CPEB1: variants seen among roughly 807,000 people sequenced by gnomAD.
The protein encoded by CPEB1 is cytoplasmic polyadenylation element binding protein 1.
CPEB1 carries 7 observed loss-of-function variants against 65.8 expected under a neutral mutation model. That is an observed-to-expected ratio of 0.11 (90% confidence interval 0.06 to 0.20). The LOEUF is 0.20. Among genes scored for constraint, CPEB1 ranks in the 10% least tolerant of loss-of-function variants. CPEB1 has a pLI of 1.00. For missense variants in CPEB1, 551 were observed against 712.2 expected (o/e 0.77, Z 2.58); for synonymous variants, 262 against 260.0 (o/e 1.01, Z -0.08).
At chr15:82,577,920 C>CACG in intron 3 of CPEB1, among the ~76,000 whole-genome samples, 1 of 152,176 alleles carries the variant, frequency 6.6e-6, no homozygotes, top group East Asian at 2.0e-4. Context: ...GCAGGTGGAT[C>CACG]ACGAGGTCAG....
chr15:82,611,817 A>G (rs2044179578), intron 3 of CPEB1, among the ~76,000 whole-genome samples: 1 of 152,122 alleles, frequency 6.6e-6, no homozygotes, highest in African/African-American at 2.4e-5. Context: ...TAGGAAAAAA[A>G]ATAAATGACA....
intron 5 of CPEB1, among the ~76,000 whole-genome samples, chr15:82,556,719 T>C (rs758816066): frequency 3.3e-5 from 5 of 152,170 alleles, no homozygotes; most frequent in Non-Finnish European, 7.4e-5. Flanking sequence ...ATCTAAGTAA[T>C]ATAGACAGAA....
upstream of CPEB1, chr15:82,648,029 C>T (rs1230330693): frequency 6.2e-6 from 3 of 487,048 alleles, no homozygotes; most frequent in African/African-American, 4.0e-5. Flanking sequence ...AGCCGCCCCC[C>T]GGCCGGATGC....
chr15:82,622,149 G>A (rs1409301350), intron 3 of CPEB1, among the ~76,000 whole-genome samples: 1 of 152,084 alleles, frequency 6.6e-6, no homozygotes, highest in Non-Finnish European at 1.5e-5. Flanking sequence ...TAAAGGACTA[G>A]GGAATGTGGA....
At chr15:82,597,339 T>C (rs1303326871) in intron 3 of CPEB1, among the ~76,000 whole-genome samples, 1 of 152,162 alleles carries the variant, frequency 6.6e-6, no homozygotes, top group African/African-American at 2.4e-5. Flanking sequence ...GGAGTATATT[T>C]ATTAATTAGG....
At chr15:82,608,218 A>C (rs1051854005) in intron 3 of CPEB1, among the ~76,000 whole-genome samples, 4 of 152,156 alleles carry the variant, frequency 2.6e-5, no homozygotes, top group Non-Finnish European at 5.9e-5. Context: ...TTGAGTTCCT[A>C]AACTGTTGCC....
At chr15:82,646,312 C>T (rs2047515183) in intron 1 of CPEB1, among the ~76,000 whole-genome samples, 1 of 152,162 alleles carries the variant, frequency 6.6e-6, no homozygotes. Context: ...CCCACTTGCC[C>T]CTCTTCCCCA....
chr15:82,646,710 T>C (rs966856428), intron 1 of CPEB1, among the ~76,000 whole-genome samples: 17 of 152,200 alleles, frequency 1.1e-4, no homozygotes, highest in African/African-American at 3.6e-4. Context: ...CTGGTCTCCC[T>C]GGGTCCTCTA....
intron 4 of CPEB1, among the ~76,000 whole-genome samples, chr15:82,566,242 C>G (rs1029453153): frequency 6.6e-6 from 1 of 152,100 alleles, no homozygotes. Flanking sequence ...GAGAGACTAG[C>G]CCCAAGACAT....
intron 2 of CPEB1, among the ~76,000 whole-genome samples, chr15:82,627,845 G>A (rs1238202211): frequency 6.6e-6 from 1 of 152,114 alleles, no homozygotes; most frequent in Non-Finnish European, 1.5e-5. Context: ...TACCTTGCCA[G>A]TAAAGGACTT....
intron 3 of CPEB1, 23 bp downstream of exon 3, chr15:82,627,170 T>G: frequency 6.2e-7 from 1 of 1,601,490 alleles, no homozygotes; most frequent in Middle Eastern, 1.7e-4. Flanking sequence ...CCTACCACGT[T>G]CAAGTTTTCA....
In CPEB1 at chr15:82,547,247, C is replaced by A. The variant is rs1339458674; in HGVS notation, c.1481-10G>T. ...GTCACACGACCAGAACCTAGGACAA[C>A]AGACACAAGCTTCCCTTCTAACCAA... On this transcript the variant is annotated splice_polypyrimidine_tract_variant and intron_variant, in intron 10 of 12. Transcript: ENST00000684509. The A allele has an allele frequency of 2.1e-6, 3 of 1,427,800 alleles. No homozygotes were observed. Among genetic ancestry groups the A allele is most frequent in the Non-Finnish European group, 2.9e-6 (3 of 1,018,728 alleles). The allele number at this position is 1,427,800 out of a possible 1,614,324, so 88.4% of individuals were successfully genotyped here. A position where few individuals can be genotyped will look rare whatever the true frequency, so the allele number is the denominator to read the frequency against.
intron 3 of CPEB1, among the ~76,000 whole-genome samples, chr15:82,620,269 A>T (rs531292626): frequency 6.6e-6 from 1 of 152,106 alleles, no homozygotes; most frequent in Non-Finnish European, 1.5e-5. Context: ...TACTAAAAAT[A>T]CAAAAATTAG....
In CPEB1 at chr15:82,635,438, TGA is replaced by T. The variant is rs1388753771; in HGVS notation, c.-97-6884_-97-6883del. 2.6e-5 allele frequency among the ~76,000 whole-genome samples: 4 copies of T among 152,204 alleles called. No individual in the cohort carries two copies. In the East Asian group the frequency reaches 7.7e-4, roughly 29 times the overall value. ...CTACTTTAATGACTCTATAGTTTGC[TGA>T]GAGATGCTTCTCTGTGTTTAAATTT... On this transcript the variant is annotated intron_variant, in intron 1 of 12. Transcript: ENST00000684509.
intron 3 of CPEB1, among the ~76,000 whole-genome samples, chr15:82,574,460 G>A (rs1236567551): frequency 1.3e-5 from 2 of 152,132 alleles, no homozygotes; most frequent in Non-Finnish European, 2.9e-5. Flanking sequence ...GCTCAAGTCT[G>A]TAATCCCAGC....
intron 1 of CPEB1, among the ~76,000 whole-genome samples, chr15:82,644,039 G>C (rs1472311283): frequency 2.6e-5 from 4 of 152,176 alleles, no homozygotes; most frequent in Admixed American, 2.6e-4. Context: ...TGTGCAGAGG[G>C]TTGGGAGGGT....
chr15:82,609,852 G>A (rs193262131), intron 3 of CPEB1, among the ~76,000 whole-genome samples: 9 of 152,076 alleles, frequency 5.9e-5, no homozygotes, highest in African/African-American at 9.6e-5. Context: ...CCTGAGGTTG[G>A]GAGTTTGAGA....
intron 3 of CPEB1, among the ~76,000 whole-genome samples, chr15:82,590,888 T>C (rs986246517): frequency 6.6e-6 from 1 of 152,232 alleles, no homozygotes; most frequent in African/African-American, 2.4e-5. Context: ...GGTGTATACA[T>C]ACTACATTTT....
intron 9 of CPEB1, among the ~76,000 whole-genome samples, chr15:82,550,514 C>G (rs949931073): frequency 1.3e-5 from 2 of 152,138 alleles, no homozygotes; most frequent in African/African-American, 4.8e-5. Flanking sequence ...GATGGGCAAG[C>G]AAGGAAGAAT....
Sources: gnomAD v4.1 joint callset for allele counts (sites outside exome capture counted in the v4.1 genomes callset) on GRCh38, gnomAD v4.1.1 for gene constraint, MANE v1.5 for transcripts, NCBI Gene and HGNC (gene_info 2026-07-23, HGNC 2026-07-21) for gene names.